Variants in SYNPO2 observed in about 807,000 individuals in gnomAD.
The protein encoded by SYNPO2 is synaptopodin-2.
Under a neutral mutation model 85.0 loss-of-function variants are expected in SYNPO2, and 56 were observed. The observed-to-expected ratio is 0.66, with a 90% CI of 0.53 to 0.82. SYNPO2 has a LOEUF of 0.82. Ranked by LOEUF, SYNPO2 falls within the 40% of genes least tolerant of loss-of-function variation. The probability of loss-of-function intolerance (pLI) is 0.00; values close to 1 mark genes in which losing one functional copy is unlikely to be tolerated. For synonymous variants in SYNPO2, 602 were observed against 591.1 expected (o/e 1.02, Z -0.27); for missense variants, 1,575 against 1,534.2 (o/e 1.03, Z -0.44).
Position 118,889,056 on chromosome 4 carries a change from T to C in SYNPO2, c.20T>C (p.Ile7Thr). 1.2e-6 allele frequency: 2 copies of C among 1,614,170 alleles called. No homozygotes were observed. Among genetic ancestry groups the C allele is most frequent in the South Asian group, 1.1e-5 (1 of 91,080 alleles). Residue 7 changes from isoleucine (I) to threonine (T), a missense_variant, in exon 1 of 5, where the codon ATC becomes ACC. Ile to Thr is a moderately conservative substitution (Grantham distance 89, BLOSUM62 -1). This residue lies in a region of SYNPO2 where 55 missense variants were observed against 55.5 expected (regional missense o/e 0.99). Coordinates refer to ENST00000307142, the MANE Select transcript of SYNPO2 (RefSeq NM_133477.3). ...GAAAACATGGGCACAGGGGATTTTA[T>C]CTGCATTTCCATGACTGGAGGGGCG... MGTGDF[I>T]CISMTGGAPW...
At chr4:119,007,441 G>A (rs1420853191) in intron 1 of SYNPO2, among the ~76,000 whole-genome samples, 1 of 150,148 alleles carries the variant, frequency 6.7e-6, no homozygotes, top group Non-Finnish European at 1.5e-5. Flanking sequence ...AAAATGATCG[G>A]ATAGTTTGAC....
At chr4:119,055,143 T>A (rs192044025) in intron 4 of SYNPO2, among the ~76,000 whole-genome samples, 1 of 147,634 alleles carries the variant, frequency 6.8e-6, no homozygotes, top group East Asian at 2.0e-4. Context: ...TTGTTTCTTA[T>A]TATTTATTTA....
chr4:119,035,500 C>T (rs368684384), intron 4 of SYNPO2: 25 of 985,338 alleles, frequency 2.5e-5, no homozygotes, highest in Admixed American at 1.2e-4. Flanking sequence ...TTGTTAGGAA[C>T]GTGTTTTGTA....
intron 1 of SYNPO2, among the ~76,000 whole-genome samples, chr4:118,940,593 T>A (rs887939837): frequency 6.6e-5 from 10 of 152,118 alleles, no homozygotes; most frequent in African/African-American, 1.9e-4. Flanking sequence ...TCCCTGCCAC[T>A]GAGGGAGACA....
At chr4:118,966,229 TA>T (rs1472200619) in intron 1 of SYNPO2, among the ~76,000 whole-genome samples, 1 of 152,006 alleles carries the variant, frequency 6.6e-6, no homozygotes, top group Non-Finnish European at 1.5e-5. Flanking sequence ...AAACGGGAAA[TA>T]GAAAAAGTGG....
chr4:118,910,360 T>C (rs1475075846), intron 1 of SYNPO2, among the ~76,000 whole-genome samples: 1 of 152,254 alleles, frequency 6.6e-6, no homozygotes, highest in Non-Finnish European at 1.5e-5. Flanking sequence ...CAATTTTCTT[T>C]TGACCTTGCA....
chr4:119,057,510 G>T lies in SYNPO2; in HGVS notation c.3362G>T (p.Gly1121Val), dbSNP rs371384475. Residue 1121 changes from glycine to valine, a missense_variant, in exon 5 of 5, where the codon GGA becomes GTA. Physicochemically the swap from Gly to Val is moderately radical, Grantham distance 109. Around this residue, in one of 3 missense-constraint regions of SYNPO2, gnomAD observed 1,508 missense variants for 1,446.8 expected, o/e 1.04. Transcript: ENST00000307142. ...TYSYSSKPTD[G>V]LEKANKRPTP... is the part of the protein sequence containing the mutation. ...AGTTACTCTAGTAAACCAACCGATGGACTAGAGAAAGCAAACAAGAGACCA... is the reference window on the plus strand; with the variant it reads ...AGTTACTCTAGTAAACCAACCGATGTACTAGAGAAAGCAAACAAGAGACCA... 3.7e-6 allele frequency: 6 copies of T among 1,613,914 alleles called. No homozygotes were observed. The highest frequency in any genetic ancestry group is 5.1e-6 in the Non-Finnish European group (6 of 1,180,028).
At chr4:118,946,290 T>A (rs1734501627) in intron 1 of SYNPO2, among the ~76,000 whole-genome samples, 1 of 152,180 alleles carries the variant, frequency 6.6e-6, no homozygotes, top group Admixed American at 6.5e-5. Flanking sequence ...TTATTTTCTG[T>A]ATGAGACATG....
At chr4:119,049,093 T>TC (rs1738959408) in intron 4 of SYNPO2, among the ~76,000 whole-genome samples, 1 of 152,154 alleles carries the variant, frequency 6.6e-6, no homozygotes, top group Non-Finnish European at 1.5e-5. Flanking sequence ...GAAGACTTGG[T>TC]CAGATAGTGG....
chr4:118,905,433 T>G (rs2149121161), intron 1 of SYNPO2, among the ~76,000 whole-genome samples: 1 of 112,290 alleles, frequency 8.9e-6, no homozygotes, highest in Admixed American at 1.1e-4. Flanking sequence ...GTACCTGATG[T>G]GTGTGTGTGC....
rs533172135 is a variant in SYNPO2 at position 119,031,117 on chromosome 4, C to A, written c.2342C>A (p.Ser781Tyr). 6.2e-7 allele frequency: 1 copy of A among 1,614,142 alleles called. No individual in the cohort carries two copies. Among genetic ancestry groups the A allele is most frequent in the East Asian group, 2.2e-5 (1 of 44,874 alleles). ...QPVTPVSPVW[S>Y]PGVAPTQPPA... ...GTAACTCCAGTTTCCCCAGTCTGGT[C>A]TCCAGGAGTGGCTCCCACCCAACCT... The change falls in exon 4 of 5, where the codon TCT (serine) becomes TAT (tyrosine). Residue 781 changes from serine (S) to tyrosine (Y), a missense_variant. Physicochemically the swap from Ser to Tyr is moderately radical, Grantham distance 144 (BLOSUM62 -2). Transcript: ENST00000307142.
At position 119,029,933 on chromosome 4, in the gene SYNPO2, T is replaced by G. The variant is rs61745559; in HGVS notation, c.1158T>G (p.Ala386=). 1.1e-3 allele frequency: 1,807 copies of G among 1,613,698 alleles called. 19 individuals carry two copies. In the African/African-American group the frequency reaches 0.022, roughly 20 times the overall value. ...CKSIALLLTD[A]PNPNSKGVLM... ...GCATTGCCCTTCTTCTAACGGATGCTCCCAACCCCAACTCCAAGGGGGTGT... is the reference window on the plus strand; with the variant it reads ...GCATTGCCCTTCTTCTAACGGATGCGCCCAACCCCAACTCCAAGGGGGTGT... The change falls in exon 4 of 5, where the codon GCT becomes GCG. Residue 386 remains alanine (A), a synonymous_variant. Transcript: ENST00000307142.
At chr4:118,953,231 A>G (rs562409117) in intron 1 of SYNPO2, among the ~76,000 whole-genome samples, 2 of 152,340 alleles carry the variant, frequency 1.3e-5, no homozygotes, top group South Asian at 2.1e-4. Context: ...GAGAGCTTAG[A>G]GAACAATAAC....
intron 1 of SYNPO2, among the ~76,000 whole-genome samples, chr4:118,910,005 C>G (rs1427366644): frequency 1.3e-5 from 2 of 152,194 alleles, no homozygotes; most frequent in African/African-American, 4.8e-5. Flanking sequence ...CACCCCCTTC[C>G]CCATTATTTT....
intron 1 of SYNPO2, among the ~76,000 whole-genome samples, chr4:118,971,680 C>T (rs186335646): frequency 2.3e-3 from 344 of 152,300 alleles, no homozygotes; most frequent in African/African-American, 7.8e-3. Flanking sequence ...CACAAGTGAG[C>T]GCATCATCTG....
Position 119,007,296 on chromosome 4 carries a change from A to ATG in SYNPO2, c.106-16132_106-16131dup, listed in dbSNP as rs1164646718. 3.8e-5 allele frequency among the ~76,000 whole-genome samples: 3 copies of ATG among 79,810 alleles called. 1 individual carries two copies. Among genetic ancestry groups the ATG allele is most frequent in the South Asian group, 4.5e-4 (1 of 2,220 alleles). 52.4% of individuals were successfully genotyped at this position (79,810 alleles called of 152,430 possible). A position where few individuals can be genotyped will look rare whatever the true frequency, so the allele number is the denominator to read the frequency against. On this transcript the variant is annotated intron_variant, in intron 1 of 4. Coordinates refer to ENST00000307142, the MANE Select transcript of SYNPO2 (RefSeq NM_133477.3). ...TATATGTATATACATATATATATAT[A>ATG]TGTATATACACGCACATATAGGCAT...
intron 1 of SYNPO2, among the ~76,000 whole-genome samples, chr4:118,917,575 T>C (rs1023752976): frequency 2.6e-5 from 4 of 152,238 alleles, no homozygotes; most frequent in Admixed American, 6.5e-5. Flanking sequence ...TTTGAATTCT[T>C]CTTCTGTAGC....
At chr4:119,047,221 C>G (rs902346500) in intron 4 of SYNPO2, among the ~76,000 whole-genome samples, 1 of 152,098 alleles carries the variant, frequency 6.6e-6, no homozygotes, top group Non-Finnish European at 1.5e-5. Context: ...CCACCATGCC[C>G]GACTAATTTT....
chr4:119,027,089 C>T lies in SYNPO2; in HGVS notation c.720C>T (p.His240=). ...DPNLSHDRIV[H]INSIPTNEKA... ...ACTTGTCACATGACAGGATTGTCCA[C>T]ATAAATTCGATCCCTACTAATGAGA... The change falls in exon 3 of 5, where the codon CAC becomes CAT. Residue 240 remains histidine, a synonymous_variant. Transcript: ENST00000307142. 1 of 1,614,164 alleles carries T rather than the reference C, an allele frequency of 6.2e-7. No homozygotes were observed. The highest frequency in any genetic ancestry group is 8.5e-7 in the Non-Finnish European group (1 of 1,180,042).
Sources: allele counts gnomAD v4.1 joint callset (sites outside exome capture counted in the v4.1 genomes callset), GRCh38; gene constraint gnomAD v4.1.1; regional missense constraint gnomAD v4.1.1; transcripts MANE v1.5; gene names NCBI Gene and HGNC (gene_info 2026-07-23, HGNC 2026-07-21).